DNAH9: variants seen among roughly 807,000 people sequenced by gnomAD.
The protein encoded by DNAH9 is DNAH9 variant protein.
DNAH9 carries 345 observed loss-of-function variants against 471.6 expected under a neutral mutation model. That is an observed-to-expected ratio of 0.73 (90% CI 0.67 to 0.80). The LOEUF is 0.80. Ranked by LOEUF, DNAH9 falls within the 30% of genes least tolerant of loss-of-function variation. The pLI, the probability that DNAH9 is intolerant of heterozygous loss-of-function variation, is 0.00. For synonymous variants in DNAH9, 2,093 were observed against 2,123.6 expected (o/e 0.99, Z 0.40); for missense variants, 5,407 against 5,609.2 (o/e 0.96, Z 1.15).
intron 26 of DNAH9, among the ~76,000 whole-genome samples, chr17:11,714,712 G>T (rs1279545688): frequency 1.3e-5 from 2 of 152,168 alleles, no homozygotes; most frequent in Admixed American, 1.3e-4. Flanking sequence ...TGGCTCCCCA[G>T]CCAGCAGAAG....
At chr17:11,918,025 T>A (rs1053946712) in intron 61 of DNAH9, among the ~76,000 whole-genome samples, 16 of 152,188 alleles carry the variant, frequency 1.1e-4, no homozygotes, top group African/African-American at 3.9e-4. Context: ...CCCGCCTTTG[T>A]CTTCTACTGT....
intron 38 of DNAH9, among the ~76,000 whole-genome samples, chr17:11,774,919 C>T (rs896991462): frequency 2.0e-5 from 3 of 151,596 alleles, no homozygotes; most frequent in Non-Finnish European, 2.9e-5. Context: ...CAATTTGATA[C>T]ATTTCAAAAT....
chr17:11,849,838 C>T (rs954815220), intron 49 of DNAH9, among the ~76,000 whole-genome samples: 3 of 152,186 alleles, frequency 2.0e-5, no homozygotes, highest in Non-Finnish European at 4.4e-5. Context: ...CTTGTATCCC[C>T]GTCACTCAAA....
intron 15 of DNAH9, among the ~76,000 whole-genome samples, chr17:11,665,954 A>G (rs965370056): frequency 1.1e-4 from 16 of 152,216 alleles, no homozygotes; most frequent in Non-Finnish European, 1.2e-4. Context: ...CCCAATGGCC[A>G]TCCCCATGGT....
intron 45 of DNAH9, among the ~76,000 whole-genome samples, chr17:11,819,733 AAG>A (rs1347192610): frequency 6.6e-6 from 1 of 152,226 alleles, no homozygotes; most frequent in Non-Finnish European, 1.5e-5. Context: ...AAGAACCAGA[AAG>A]AGTGATTTGT....
At chr17:11,658,822 A>C (rs1391860258) in intron 14 of DNAH9, among the ~76,000 whole-genome samples, 1 of 152,072 alleles carries the variant, frequency 6.6e-6, no homozygotes, top group African/African-American at 2.4e-5. Flanking sequence ...TGTTAAACCC[A>C]AATTTGCATT....
chr17:11,933,989 G>T lies in DNAH9; in HGVS notation c.12407G>T (p.Arg4136Leu), dbSNP rs143624582. ...AGAACCTACCTGGGGGAATTCATTC[G>T]ACCAGAAATGTTAGAAGGAGAACTG... The part of the protein sequence containing the change: ...LCRTYLGEFI[R>L]PEMLEGELSL... Residue 4136 changes from arginine to leucine, a missense_variant, in exon 65 of 69, where the codon CGA (arginine) becomes CTA (leucine). Transcript: ENST00000262442. 3.2e-5 allele frequency: 52 copies of T among 1,613,984 alleles called. No homozygotes were observed. The highest frequency in any genetic ancestry group is 4.2e-5 in the Non-Finnish European group (49 of 1,180,024).
chr17:11,853,963 C>T lies in DNAH9; in HGVS notation c.9508-40C>T, dbSNP rs1440480661. The T allele has an allele frequency of 1.9e-6, 3 of 1,587,254 alleles. No homozygotes were observed. The South Asian group carries it at 3.4e-5, about 18-fold the overall frequency. On this transcript the variant is annotated intron_variant, in intron 49 of 68. Transcript: ENST00000262442. ...ATCAGTGGCAGAGGACAAAGAAAGC[C>T]CATTCATGTTCCCCTAACCACCTCC...
At chr17:11,904,736 C>T (rs917065884) in intron 60 of DNAH9, among the ~76,000 whole-genome samples, 3 of 150,556 alleles carry the variant, frequency 2.0e-5, no homozygotes, top group African/African-American at 7.4e-5. Flanking sequence ...CTAAGGCAGG[C>T]GTAGGAGAAT....
rs1183646413 is a variant in DNAH9 at position 11,822,072 on chromosome 17, A to G, written c.8850+10A>G. On this transcript the variant is annotated intron_variant, in intron 46 of 68. Coordinates refer to ENST00000262442, the MANE Select transcript of DNAH9 (RefSeq NM_001372.4). The stretch of plus-strand genomic sequence containing the variant: ...CCGGCGACAGCTGAAGGTAAAGAGC[A>G]TTTACTGACAGGGGCAGGCAGAGAC... The G allele has an allele frequency of 5.6e-6, 9 of 1,608,046 alleles. No individual in the cohort carries two copies. Among genetic ancestry groups the G allele is most frequent in the Non-Finnish European group, 7.6e-6 (9 of 1,177,998 alleles).
chr17:11,611,867 A>C (rs1249395376), intron 4 of DNAH9, 87 bp downstream of exon 4: 2 of 1,353,720 alleles, frequency 1.5e-6, no homozygotes, highest in Admixed American at 1.7e-5. Flanking sequence ...TGAATTCCGC[A>C]ACTTCAAGTC....
At chr17:11,762,758 G>GTTTTTTTTGTTGTT (rs1967733702) in intron 35 of DNAH9, among the ~76,000 whole-genome samples, 15 of 94,774 alleles carry the variant, frequency 1.6e-4, no homozygotes, top group East Asian at 3.0e-4. Flanking sequence ...CTTTAGGTGC[G>GTTTTTTTTGTTGTT]TTTTTTTTTT....
At chr17:11,848,812 C>T (rs1971311246) in intron 49 of DNAH9, among the ~76,000 whole-genome samples, 1 of 151,756 alleles carries the variant, frequency 6.6e-6, no homozygotes, top group Non-Finnish European at 1.5e-5. Context: ...AAAATCCTCT[C>T]TAGAAGAACT....
chr17:11,902,685 G>A, intron 59 of DNAH9, 34 bp from the exon 60 acceptor site: 4 of 1,590,330 alleles, frequency 2.5e-6, no homozygotes, highest in Non-Finnish European at 2.6e-6. Flanking sequence ...GCTTTCTGGA[G>A]AAACTGCATT....
chr17:11,797,921 A>G (rs1206134126), intron 43 of DNAH9, 128 bp downstream of exon 43: 4 of 920,042 alleles, frequency 4.3e-6, no homozygotes, highest in Non-Finnish European at 6.5e-6. Flanking sequence ...CTTAAAAGTC[A>G]AGATGGCTGC....
chr17:11,952,501 T>C (rs978849162), intron 67 of DNAH9, among the ~76,000 whole-genome samples: 1 of 152,012 alleles, frequency 6.6e-6, no homozygotes, highest in Admixed American at 6.6e-5. Context: ...TGCATTTAAA[T>C]AGCCACATGT....
At chr17:11,634,497 T>C (rs1244734009) in intron 8 of DNAH9, among the ~76,000 whole-genome samples, 1 of 152,086 alleles carries the variant, frequency 6.6e-6, no homozygotes, top group Non-Finnish European at 1.5e-5. Context: ...ACGGTGCAGG[T>C]TGGCCATGGT....
At chr17:11,907,549 G>C (rs1301241241) in intron 61 of DNAH9, among the ~76,000 whole-genome samples, 1 of 152,016 alleles carries the variant, frequency 6.6e-6, no homozygotes, top group African/African-American at 2.4e-5. Flanking sequence ...ATCATGGCCT[G>C]AACTAGTTTT....
intron 59 of DNAH9, among the ~76,000 whole-genome samples, chr17:11,901,576 G>C (rs1973418059): frequency 6.6e-6 from 1 of 152,082 alleles, no homozygotes. Flanking sequence ...TGCACCTGTA[G>C]TCCCAGCTAC....
Sources: allele counts gnomAD v4.1 joint callset (sites outside exome capture counted in the v4.1 genomes callset), GRCh38; gene constraint gnomAD v4.1.1; transcripts MANE v1.5; gene names NCBI Gene and HGNC (gene_info 2026-07-23, HGNC 2026-07-21).